IFT122: variants seen among roughly 807,000 people sequenced by gnomAD.
The protein encoded by IFT122 is intraflagellar transport 122.
A neutral mutation model predicts 161.6 loss-of-function variants in IFT122; 118 were observed. That is an observed-to-expected ratio of 0.73 (90% CI 0.63 to 0.85). The LOEUF (loss-of-function observed/expected upper bound fraction) is 0.85. Ranked by LOEUF, IFT122 falls within the 40% of genes least tolerant of loss-of-function variation. The pLI is 0.00. For missense variants in IFT122, 1,381 were observed against 1,579.6 expected (o/e 0.87, Z 2.13); for synonymous variants, 550 against 602.4 (o/e 0.91, Z 1.27).
In IFT122 at chr3:129,504,397, G is replaced by A. The variant is rs770074417; in HGVS notation, c.2626G>A (p.Asp876Asn). Residue 876 changes from aspartate (D) to asparagine (N), a missense_variant, in exon 21 of 30, where the codon GAT (aspartate) becomes AAT (asparagine). Physicochemically the swap from Asp to Asn is conservative, Grantham distance 23. Coordinates refer to ENST00000348417, the MANE Select transcript of IFT122 (RefSeq NM_052989.3). ...MPYAQWLAEN[D>N]RFEEAQKAFH... ...GTATGCTCAGTGGCTAGCAGAGAACGATCGCTTTGAGGAAGCCCAGAAAGG... is the reference window on the plus strand; with the variant it reads ...GTATGCTCAGTGGCTAGCAGAGAACAATCGCTTTGAGGAAGCCCAGAAAGG... 7.5e-5 allele frequency: 121 copies of A among 1,613,846 alleles called. No homozygotes were observed. Among genetic ancestry groups the A allele is most frequent in the Non-Finnish European group, 1.0e-4 (118 of 1,179,878 alleles).
At chr3:129,442,566 A>G (rs2073365168) in intron 1 of IFT122, among the ~76,000 whole-genome samples, 1 of 147,466 alleles carries the variant, frequency 6.8e-6, no homozygotes, top group African/African-American at 2.5e-5. Context: ...TGAAAACAAA[A>G]CAAAAAACTA....
At position 129,483,573 on chromosome 3, in the gene IFT122, G is replaced by A; in HGVS notation, c.1742G>A (p.Ser581Asn). ...SGGGYLNIKA[S>N]TFPVHRQKLQ... ...GGAGGCTACCTCAACATCAAAGCCA[G>A]CACCTTCCCTGTGCACCGGCAGAAG... is the stretch of plus-strand genomic sequence containing the variant. The change falls in exon 15 of 30, where the codon AGC (serine) becomes AAC (asparagine). Residue 581 changes from serine (S) to asparagine (N), a missense_variant. Coordinates refer to ENST00000348417, the MANE Select transcript of IFT122 (RefSeq NM_052989.3). The A allele has an allele frequency of 6.2e-7, 1 of 1,614,160 alleles. No individual in the cohort carries two copies. The highest frequency in any genetic ancestry group is 8.5e-7 in the Non-Finnish European group (1 of 1,180,034).
intron 8 of IFT122, among the ~76,000 whole-genome samples, chr3:129,467,932 A>G (rs2076971069): frequency 6.6e-6 from 1 of 152,198 alleles, no homozygotes; most frequent in Non-Finnish European, 1.5e-5. Context: ...TGTTTCATAA[A>G]GAATCCTACT....
intron 3 of IFT122, among the ~76,000 whole-genome samples, chr3:129,457,743 T>C (rs2075696340): frequency 6.7e-6 from 1 of 148,582 alleles, no homozygotes. Flanking sequence ...TTTTTTTTTT[T>C]TTTTTTTTTT....
chr3:129,481,841 G>T, intron 14 of IFT122, 147 bp downstream of exon 14: 1 of 813,556 alleles, frequency 1.2e-6, no homozygotes, highest in Non-Finnish European at 2.1e-6. Flanking sequence ...GAGTCCCAGA[G>T]GCCCTGGGCC....
intron 5 of IFT122, 169 bp from the exon 6 acceptor site, chr3:129,463,391 A>G: frequency 1.6e-6 from 1 of 608,708 alleles, no homozygotes; most frequent in East Asian, 3.0e-5. Context: ...CAAGAATGTT[A>G]TATAAATGGA....
intron 16 of IFT122, among the ~76,000 whole-genome samples, chr3:129,489,756 G>A (rs986491072): frequency 5.3e-5 from 8 of 151,560 alleles, no homozygotes; most frequent in East Asian, 3.9e-4. Flanking sequence ...GGAGAATGGC[G>A]TGAACCTGGG....
At chr3:129,491,517 C>T (rs142222993) in intron 16 of IFT122, among the ~76,000 whole-genome samples, 1 of 152,300 alleles carries the variant, frequency 6.6e-6, no homozygotes, top group East Asian at 1.9e-4. Flanking sequence ...GAGTTCAAGG[C>T]AAGGGCTGCA....
At position 129,488,277 on chromosome 3, in the gene IFT122, C is replaced by T; in HGVS notation, c.1872C>T (p.Tyr624=). The T allele has an allele frequency of 6.2e-7, 1 of 1,614,138 alleles. No individual in the cohort carries two copies. ...EVPQSAPMYQ[Y]LDRKLFKEAY... ...TGCAGTCCGCTCCCATGTACCAGTA[C>T]CTGGATAGGAAACTGTTCAAGGAAG... is the stretch of plus-strand genomic sequence containing the variant. Residue 624 remains tyrosine, a synonymous_variant, in exon 16 of 30, where the codon TAC becomes TAT. Transcript: ENST00000348417.
intron 19 of IFT122, among the ~76,000 whole-genome samples, chr3:129,500,534 A>G (rs1294198707): frequency 6.6e-6 from 1 of 152,264 alleles, no homozygotes; most frequent in East Asian, 1.9e-4. Flanking sequence ...GTGTAATGGT[A>G]GGAACAAAAA....
intron 14 of IFT122, among the ~76,000 whole-genome samples, chr3:129,482,498 C>T (rs1293569107): frequency 6.6e-6 from 1 of 152,162 alleles, no homozygotes; most frequent in Non-Finnish European, 1.5e-5. Context: ...AGTCCCCTTA[C>T]CAGGCTCCTC....
chr3:129,442,712 G>GT (rs1307996745), intron 1 of IFT122, among the ~76,000 whole-genome samples: 1 of 152,074 alleles, frequency 6.6e-6, no homozygotes, highest in African/African-American at 2.4e-5. Context: ...CAGGAACTCT[G>GT]TTTTTTTAAG....
intron 17 of IFT122, 87 bp downstream of exon 17, chr3:129,492,281 G>A: frequency 9.6e-7 from 1 of 1,045,156 alleles, no homozygotes; most frequent in Non-Finnish European, 1.5e-6. Context: ...CAAGAGCCTT[G>A]AGGACATGGG....
Position 129,502,797 on chromosome 3 carries a change from C to T in IFT122, c.2462C>T (p.Pro821Leu), listed in dbSNP as rs779655499. The change falls in exon 20 of 30, where the codon CCT becomes CTT. Residue 821 changes from proline to leucine, a missense_variant. Coordinates refer to ENST00000348417, the MANE Select transcript of IFT122 (RefSeq NM_052989.3). ...ACCTACCTCAAGAAGCTGGACAGCC[C>T]TGGCTATGCTGCTGAGACCTACCTG... Reference protein sequence around the residue: ...CATYLKKLDSPGYAAETYLKM... With the variant: ...CATYLKKLDSLGYAAETYLKM... The T allele has an allele frequency of 6.8e-6, 11 of 1,613,240 alleles. No homozygotes were observed. The highest frequency in any genetic ancestry group is 2.2e-5 in the South Asian group (2 of 91,090).
intron 27 of IFT122, 42 bp from the exon 28 acceptor site, chr3:129,519,065 C>G: frequency 1.3e-6 from 2 of 1,552,630 alleles, no homozygotes; most frequent in Non-Finnish European, 1.8e-6. Flanking sequence ...GGGTCTGTCT[C>G]CATCTCTGCT....
At chr3:129,499,059 G>T (rs1395401739) in intron 18 of IFT122, among the ~76,000 whole-genome samples, 1 of 152,190 alleles carries the variant, frequency 6.6e-6, no homozygotes, top group Non-Finnish European at 1.5e-5. Flanking sequence ...TGATCTCTGA[G>T]CCTCCAGGAC....
At chr3:129,492,040 GGC>G in intron 16 of IFT122, 99 bp from the exon 17 acceptor site, 2 of 863,884 alleles carry the variant, frequency 2.3e-6, no homozygotes, top group South Asian at 2.6e-5. Flanking sequence ...TCTCCTCTGT[GGC>G]TCACTGTCTA....
At chr3:129,449,281 TAAGA>T (rs1263797508) in intron 1 of IFT122, among the ~76,000 whole-genome samples, 1 of 152,048 alleles carries the variant, frequency 6.6e-6, no homozygotes, top group Non-Finnish European at 1.5e-5. Context: ...TGTGTATCAA[TAAGA>T]AAGCAAAAAA....
chr3:129,514,638 T>G, intron 25 of IFT122, 84 bp downstream of exon 25: 2 of 1,501,754 alleles, frequency 1.3e-6, no homozygotes, highest in Non-Finnish European at 1.8e-6. Context: ...TGGGTTCCGT[T>G]TGAAGAGAGA....
Sources: allele counts gnomAD v4.1 joint callset (sites outside exome capture counted in the v4.1 genomes callset), GRCh38; gene constraint gnomAD v4.1.1; transcripts MANE v1.5; gene names NCBI Gene and HGNC (gene_info 2026-07-23, HGNC 2026-07-21).